The following IGSF21 variants were observed in gnomAD, a reference collection of about 807,000 sequenced individuals.
IGSF21 encodes the protein immunoglobulin superfamily member 21.
A neutral mutation model predicts 46.8 loss-of-function variants in IGSF21; 28 were observed. The ratio of observed to expected loss-of-function variants is 0.60; its 90% confidence interval spans 0.44 to 0.82. IGSF21 has a LOEUF of 0.82. Among genes scored for constraint, IGSF21 ranks in the 40% least tolerant of loss-of-function variants. IGSF21 has a pLI of 0.00. For missense variants in IGSF21, 624 were observed against 665.5 expected, an observed-to-expected ratio of 0.94 and a Z score of 0.69; for synonymous variants, 284 against 273.6, an observed-to-expected ratio of 1.04 and a Z score of -0.38.
At chr1:18,338,850 TAC>T (rs1420473935) in intron 4 of IGSF21, among the ~76,000 whole-genome samples, 1 of 151,216 alleles carries the variant, frequency 6.6e-6, no homozygotes, top group African/African-American at 2.4e-5. Context: ...GAACGCATTA[TAC>T]ACAGTCATGG....
chr1:18,252,597 A>G (rs2084853678), intron 2 of IGSF21, among the ~76,000 whole-genome samples: 3 of 152,196 alleles, frequency 2.0e-5, no homozygotes, highest in African/African-American at 7.2e-5. Context: ...CAAGTCCAAG[A>G]GTACAAACAG....
intron 3 of IGSF21, among the ~76,000 whole-genome samples, chr1:18,303,572 GGAGTAATGGGAAGTTAGTTCC>G (rs2085382633): frequency 6.6e-6 from 1 of 152,180 alleles, no homozygotes; most frequent in African/African-American, 2.4e-5. Context: ...CACCCTGGGG[GGAGTAATGGGAAGTTAGTTCC>G]GATGTTGAAT....
intron 2 of IGSF21, among the ~76,000 whole-genome samples, chr1:18,289,842 A>G (rs1569736373): frequency 6.6e-6 from 1 of 152,196 alleles, no homozygotes; most frequent in Non-Finnish European, 1.5e-5. Context: ...TCACCCCCCA[A>G]GTGAAAAGGC....
intron 2 of IGSF21, among the ~76,000 whole-genome samples, chr1:18,282,511 T>G (rs2085171291): frequency 6.6e-6 from 1 of 151,942 alleles, no homozygotes; most frequent in Non-Finnish European, 1.5e-5. Context: ...TGATAGAGTT[T>G]GGGGGGCTCA....
At chr1:18,287,496 A>G (rs556831419) in intron 2 of IGSF21, among the ~76,000 whole-genome samples, 7 of 152,296 alleles carry the variant, frequency 4.6e-5, no homozygotes, top group Admixed American at 1.3e-4. Context: ...GTGTTTGTTC[A>G]TCAAAAGTCT....
At chr1:18,198,108 G>T (rs193243941) in intron 1 of IGSF21, among the ~76,000 whole-genome samples, 1 of 152,334 alleles carries the variant, frequency 6.6e-6, no homozygotes, top group Admixed American at 6.5e-5. Context: ...CAGTTTTCAA[G>T]TGTATCTGAT....
chr1:18,129,859 T>G (rs908879329), intron 1 of IGSF21, among the ~76,000 whole-genome samples: 1 of 152,182 alleles, frequency 6.6e-6, no homozygotes, highest in African/African-American at 2.4e-5. Flanking sequence ...CTGTTATCAA[T>G]GGGTGAGTCT....
intron 1 of IGSF21, among the ~76,000 whole-genome samples, chr1:18,187,033 G>T (rs79397579): frequency 6.6e-6 from 1 of 152,126 alleles, no homozygotes; most frequent in South Asian, 2.1e-4. Flanking sequence ...GCAAGCTCGG[G>T]CTGCTATAAC....
At chr1:18,282,993 C>A (rs2085177526) in intron 2 of IGSF21, among the ~76,000 whole-genome samples, 1 of 152,222 alleles carries the variant, frequency 6.6e-6, no homozygotes, top group Non-Finnish European at 1.5e-5. Context: ...TGAACACAGG[C>A]TTCCTTGTTC....
chr1:18,377,317 T>C, intron 8 of IGSF21, 76 bp from the exon 9 acceptor site: 1 of 1,294,226 alleles, frequency 7.7e-7, no homozygotes, highest in East Asian at 2.3e-5. Flanking sequence ...CAGCAGGTGC[T>C]GGGTAAAGGG....
intron 1 of IGSF21, among the ~76,000 whole-genome samples, chr1:18,164,529 G>A (rs531571063): frequency 1.7e-4 from 26 of 152,138 alleles, no homozygotes; most frequent in Admixed American, 1.6e-3. Context: ...GCCTCACCCT[G>A]TTCTCCCACA....
intron 6 of IGSF21, among the ~76,000 whole-genome samples, chr1:18,373,363 G>C (rs767505164): frequency 1.3e-5 from 2 of 152,166 alleles, no homozygotes; most frequent in Non-Finnish European, 2.9e-5. Flanking sequence ...AGCAGGCAAG[G>C]GGGTGTAGGT....
intron 1 of IGSF21, among the ~76,000 whole-genome samples, chr1:18,122,150 G>A (rs1271100905): frequency 6.7e-6 from 1 of 148,750 alleles, no homozygotes; most frequent in African/African-American, 2.5e-5. Context: ...TCATGTCTAT[G>A]TCTCATCTGT....
At chr1:18,139,894 A>G (rs74657587) in intron 1 of IGSF21, among the ~76,000 whole-genome samples, 21,231 of 152,190 alleles carry the variant, frequency 0.14, 1,583 homozygotes, top group Middle Eastern at 0.16. Flanking sequence ...GCTCTCAACC[A>G]AGGACAGACA....
intron 2 of IGSF21, among the ~76,000 whole-genome samples, chr1:18,282,393 C>T (rs6674776): frequency 0.019 from 2,921 of 152,172 alleles, 113 homozygotes; most frequent in African/African-American, 0.066. Flanking sequence ...ATCTGAGGCC[C>T]TTTCTATTTC....
Position 18,109,618 on chromosome 1 carries a change from C to G in IGSF21, c.70+1420C>G, listed in dbSNP as rs1296051549. 2 of 152,296 alleles carry G rather than the reference C, an allele frequency of 1.3e-5. No homozygotes were observed. The highest frequency in any genetic ancestry group is 2.9e-5 in the Non-Finnish European group (2 of 68,228). The allele number at this position is 152,296 out of a possible 1,614,324, so 9.4% of individuals were successfully genotyped here. On this transcript the variant is annotated intron_variant, in intron 1 of 9. Coordinates refer to ENST00000251296, the MANE Select transcript of IGSF21 (RefSeq NM_032880.5). This position sits in a 1 kb window ranked among gnomAD's most constrained non-coding sequence, Gnocchi z 4.8. The stretch of plus-strand genomic sequence containing the variant: ...GCAGAATTTGAGCCCGGAAGGTGGT[C>G]CTGACAGCGAGGGGGGAGGGGTTGG...
intron 1 of IGSF21, among the ~76,000 whole-genome samples, chr1:18,158,662 A>C (rs1230513170): frequency 6.6e-6 from 1 of 151,956 alleles, no homozygotes; most frequent in Non-Finnish European, 1.5e-5. Context: ...CTTCTCTCTC[A>C]ATCTCTCTGC....
chr1:18,132,531 C>G (rs1294011349), intron 1 of IGSF21, among the ~76,000 whole-genome samples: 1 of 152,216 alleles, frequency 6.6e-6, no homozygotes, highest in Non-Finnish European at 1.5e-5. Context: ...GCCAAGATGG[C>G]TGAGATATGA....
At chr1:18,348,350 C>T (rs1295124136) in intron 4 of IGSF21, among the ~76,000 whole-genome samples, 2 of 152,236 alleles carry the variant, frequency 1.3e-5, no homozygotes, top group African/African-American at 4.8e-5. Flanking sequence ...CCTGGACCTT[C>T]TGTGTCTCAC....
Sources: gnomAD v4.1 joint callset for allele counts (sites outside exome capture counted in the v4.1 genomes callset) on GRCh38, gnomAD v4.1.1 for gene constraint, Gnocchi (gnomAD v3.1) non-coding constraint, MANE v1.5 for transcripts, NCBI Gene and HGNC (gene_info 2026-07-23, HGNC 2026-07-21) for gene names.